GRK5: variants seen among roughly 807,000 people sequenced by gnomAD.
GRK5 encodes g protein-coupled receptor kinase GRK5.
GRK5 carries 40 observed loss-of-function variants against 78.4 expected under a neutral mutation model. The observed-to-expected ratio is 0.51, with a 90% CI of 0.40 to 0.66. GRK5 has a LOEUF of 0.66. Among genes scored for constraint, GRK5 ranks in the 30% least tolerant of loss-of-function variants. GRK5 has a pLI of 0.00. For synonymous variants in GRK5, 289 were observed against 296.8 expected (o/e 0.97, Z 0.27); for missense variants, 598 against 759.9 (o/e 0.79, Z 2.50).
At chr10:119,343,336 T>C (rs1321810388) in intron 2 of GRK5, among the ~76,000 whole-genome samples, 3 of 152,222 alleles carry the variant, frequency 2.0e-5, no homozygotes, top group African/African-American at 7.2e-5. Context: ...AAACATTTCC[T>C]GGATGCTTAC....
chr10:119,430,389 A>G lies in GRK5; in HGVS notation c.548A>G (p.Lys183Arg), dbSNP rs1168594162. Reference sequence around the variant, plus strand: ...CTTTCTTCCAGGCAACCGGTGACCAAAAACACTTTCAGGCAGTATCGAGTG... The same window carrying G: ...CTTTCTTCCAGGCAACCGGTGACCAGAAACACTTTCAGGCAGTATCGAGTG... The part of the protein sequence containing the change: ...WKWLERQPVT[K>R]NTFRQYRVLG... Residue 183 changes from lysine to arginine, a missense_variant, in exon 7 of 16, where the codon AAA (lysine) becomes AGA (arginine). Physicochemically the swap from Lys to Arg is conservative, Grantham distance 26. Transcript: ENST00000392870. This position sits in a 1 kb window ranked among gnomAD's most constrained non-coding sequence, Gnocchi z 4.5. The G allele has an allele frequency of 6.2e-7, 1 of 1,613,678 alleles. No homozygotes were observed. Among genetic ancestry groups the G allele is most frequent in the Non-Finnish European group, 8.5e-7 (1 of 1,179,872 alleles).
intron 4 of GRK5, among the ~76,000 whole-genome samples, chr10:119,403,821 A>G (rs1246488917): frequency 6.6e-6 from 1 of 151,872 alleles, no homozygotes; most frequent in Non-Finnish European, 1.5e-5. Context: ...GTTATTAGAG[A>G]TGGGGTTTTC....
chr10:119,369,227 T>G (rs926792053), intron 2 of GRK5, among the ~76,000 whole-genome samples: 1 of 152,190 alleles, frequency 6.6e-6, no homozygotes, highest in African/African-American at 2.4e-5. Context: ...TGTATCTGGA[T>G]GAAATTTCTT....
chr10:119,407,534 A>C (rs1006569610), intron 4 of GRK5, among the ~76,000 whole-genome samples: 5 of 152,274 alleles, frequency 3.3e-5, no homozygotes, highest in Non-Finnish European at 7.3e-5. Flanking sequence ...CTAGTTAAGC[A>C]CTAAGTCATT....
chr10:119,377,671 G>A (rs1474668737), intron 2 of GRK5, among the ~76,000 whole-genome samples: 1 of 151,906 alleles, frequency 6.6e-6, no homozygotes, highest in Non-Finnish European at 1.5e-5. Flanking sequence ...AGTTTATAAC[G>A]GCCTTGTTTC....
rs193089857 is a variant in GRK5 at position 119,303,816 on chromosome 10, A to G, written c.53-22700A>G. 2.6e-4 allele frequency among the ~76,000 whole-genome samples: 39 copies of G among 151,152 alleles called. No homozygotes were observed. The East Asian group carries it at 6.9e-3, about 27-fold the overall frequency. ...TTCACTGCAGAGCCCAGACTTGGGG[A>G]TGGATCCAGTGTGGCATGGAAGGTG... On this transcript the variant is annotated intron_variant, in intron 1 of 15. Coordinates refer to ENST00000392870, the MANE Select transcript of GRK5 (RefSeq NM_005308.3).
At chr10:119,223,036 GAAC>G (rs1848681598) in intron 1 of GRK5, among the ~76,000 whole-genome samples, 1 of 152,180 alleles carries the variant, frequency 6.6e-6, no homozygotes, top group Non-Finnish European at 1.5e-5. Flanking sequence ...GGGTGGTTTA[GAAC>G]AACAGACATC....
chr10:119,311,630 A>G (rs1283327323), intron 1 of GRK5, among the ~76,000 whole-genome samples: 4 of 152,128 alleles, frequency 2.6e-5, no homozygotes, highest in Admixed American at 2.0e-4. Flanking sequence ...TACTAAAAAT[A>G]CAAAAATTAG....
intron 2 of GRK5, chr10:119,377,983 T>C (rs1183801729): frequency 1.3e-5 from 2 of 154,418 alleles, no homozygotes; most frequent in Non-Finnish European, 2.9e-5. Context: ...GCAACGGGAA[T>C]GCAGGCTGTA....
intron 2 of GRK5, among the ~76,000 whole-genome samples, chr10:119,347,407 G>A (rs144965649): frequency 1.3e-4 from 20 of 152,078 alleles, no homozygotes; most frequent in African/African-American, 4.3e-4. Flanking sequence ...ATGTGTGTGC[G>A]TGTGTATACA....
At chr10:119,388,719 G>T (rs1024298521) in intron 3 of GRK5, among the ~76,000 whole-genome samples, 4 of 152,210 alleles carry the variant, frequency 2.6e-5, no homozygotes, top group Non-Finnish European at 5.9e-5. Flanking sequence ...TCAGGAATTT[G>T]GGCATGGCTT....
chr10:119,271,985 C>G lies in GRK5; in HGVS notation c.53-54531C>G, dbSNP rs900867483. On this transcript the variant is annotated intron_variant, in intron 1 of 15. Coordinates refer to ENST00000392870, the MANE Select transcript of GRK5 (RefSeq NM_005308.3). This position sits in a 1 kb window ranked among gnomAD's most constrained non-coding sequence, Gnocchi z 4.1. ...GTGGGCTTGCCACAGTCTCATGACT[C>G]TGCTGGGAAGAGCCTTCCTGCGGGC... Among the ~76,000 whole-genome samples, 3 of 152,226 alleles carry G rather than the reference C, an allele frequency of 2.0e-5. No homozygotes were observed. Among genetic ancestry groups the G allele is most frequent in the Non-Finnish European group, 4.4e-5 (3 of 68,026 alleles).
chr10:119,292,741 T>C (rs926753102), intron 1 of GRK5, among the ~76,000 whole-genome samples: 1 of 152,246 alleles, frequency 6.6e-6, no homozygotes, highest in Non-Finnish European at 1.5e-5. Flanking sequence ...TGGTATATTT[T>C]AACTCATCTC....
chr10:119,448,954 G>A (rs1344565932), intron 13 of GRK5, among the ~76,000 whole-genome samples: 1 of 152,204 alleles, frequency 6.6e-6, no homozygotes, highest in Non-Finnish European at 1.5e-5. Flanking sequence ...CTGTGATTCC[G>A]GGGCCTGCTC....
At chr10:119,288,629 T>C (rs1386790358) in intron 1 of GRK5, among the ~76,000 whole-genome samples, 1 of 152,194 alleles carries the variant, frequency 6.6e-6, no homozygotes, top group East Asian at 1.9e-4. Flanking sequence ...GGCTCTTGGC[T>C]GGCTGGAACG....
At chr10:119,233,579 C>A (rs528106059) in intron 1 of GRK5, among the ~76,000 whole-genome samples, 223 of 152,218 alleles carry the variant, frequency 1.5e-3, no homozygotes, top group African/African-American at 5.2e-3. Context: ...ATTCTGGGGG[C>A]CAGATGTACC....
At chr10:119,410,297 T>G (rs951429553) in intron 4 of GRK5, among the ~76,000 whole-genome samples, 6 of 152,250 alleles carry the variant, frequency 3.9e-5, no homozygotes, top group African/African-American at 1.4e-4. Context: ...AGTTAAATTC[T>G]GCCAGCGTTT....
chr10:119,382,909 C>T (rs1197911973), intron 3 of GRK5, among the ~76,000 whole-genome samples: 1 of 151,776 alleles, frequency 6.6e-6, no homozygotes. Context: ...TAACAGGCTC[C>T]TCTATATTTC....
At chr10:119,245,780 G>A (rs1320382559) in intron 1 of GRK5, among the ~76,000 whole-genome samples, 1 of 152,122 alleles carries the variant, frequency 6.6e-6, no homozygotes, top group African/African-American at 2.4e-5. Context: ...CACTTTGGGA[G>A]GCCGAGGCGG....
Sources: allele counts gnomAD v4.1 joint callset (sites outside exome capture counted in the v4.1 genomes callset), GRCh38; gene constraint gnomAD v4.1.1; non-coding constraint Gnocchi (gnomAD v3.1); transcripts MANE v1.5; gene names NCBI Gene and HGNC (gene_info 2026-07-23, HGNC 2026-07-21).